TAF3: variants seen among roughly 807,000 people sequenced by gnomAD.
TAF3 encodes the protein TATA-box binding protein associated factor 3, also known as transcription initiation factor TFIID subunit 3.
Under a neutral mutation model 80.6 loss-of-function variants are expected in TAF3, and 7 were observed. That is an observed-to-expected ratio of 0.09 (90% CI 0.05 to 0.16). The LOEUF is 0.16. TAF3 is among the 10% of genes least tolerant of loss of function. The pLI, the probability that TAF3 is intolerant of heterozygous loss-of-function variation, is 1.00. For synonymous variants in TAF3, 444 were observed against 446.1 expected (o/e 1.00, Z 0.06); for missense variants, 921 against 1,140.2 (o/e 0.81, Z 2.77).
rs746356322 is a variant in TAF3, at chr10:7,964,885, A to G, written c.1375A>G (p.Ser459Gly). The G allele has an allele frequency of 6.2e-7, 1 of 1,614,210 alleles. No individual in the cohort carries two copies. Among genetic ancestry groups the G allele is most frequent in the Non-Finnish European group, 8.5e-7 (1 of 1,180,042 alleles). Residue 459 changes from serine to glycine, a missense_variant, in exon 3 of 7, where the codon AGT becomes GGT. Ser to Gly is a moderately conservative substitution (Grantham distance 56). Coordinates refer to ENST00000344293, the MANE Select transcript of TAF3 (RefSeq NM_031923.4). The surrounding 1 kb of genome is among the most constrained non-coding windows in gnomAD (Gnocchi z 4.1). The part of the protein sequence containing the change: ...TPLPLSGGTS[S>G]SDNSWTMDAS... ...TCTGCCTCTTTCCGGTGGAACCTCAAGTTCCGATAACTCATGGACAATGGA... is the reference window on the plus strand; with the variant it reads ...TCTGCCTCTTTCCGGTGGAACCTCAGGTTCCGATAACTCATGGACAATGGA...
intron 4 of TAF3, among the ~76,000 whole-genome samples, chr10:8,004,825 C>T (rs537865267): frequency 3.3e-5 from 5 of 152,246 alleles, no homozygotes; most frequent in East Asian, 1.9e-4. Flanking sequence ...TGGTATCTTT[C>T]GTCAGTTCTG....
chr10:7,920,629 C>T (rs1287843237), intron 2 of TAF3, among the ~76,000 whole-genome samples: 1 of 152,092 alleles, frequency 6.6e-6, no homozygotes, highest in Non-Finnish European at 1.5e-5. Context: ...CGATATAAAT[C>T]CCTTATCTTT....
chr10:7,912,015 G>A (rs1465980510), intron 2 of TAF3, among the ~76,000 whole-genome samples: 1 of 152,106 alleles, frequency 6.6e-6, no homozygotes, highest in Non-Finnish European at 1.5e-5. Context: ...CCAGAATTCT[G>A]AAATCATAAT....
chr10:7,898,999 TCAG>T (rs1837533129), intron 2 of TAF3, among the ~76,000 whole-genome samples: 1 of 152,158 alleles, frequency 6.6e-6, no homozygotes, highest in Non-Finnish European at 1.5e-5. Context: ...ACCATTAATG[TCAG>T]TTCCCATAGG....
intron 2 of TAF3, among the ~76,000 whole-genome samples, chr10:7,862,893 T>C (rs1003412681): frequency 1.3e-5 from 2 of 152,254 alleles, no homozygotes; most frequent in African/African-American, 2.4e-5. Flanking sequence ...TTGTTGAGTA[T>C]TGTTCCATTA....
chr10:7,968,128 G>A (rs1288426779), intron 3 of TAF3, among the ~76,000 whole-genome samples: 1 of 152,128 alleles, frequency 6.6e-6, no homozygotes, highest in Non-Finnish European at 1.5e-5. Flanking sequence ...GGCACCAAAG[G>A]TTAAACTAAA....
In TAF3 at chr10:7,832,222, T is replaced by TA. The variant is rs71385674; in HGVS notation, c.409+7664dup. On this transcript the variant is annotated intron_variant, in intron 2 of 6. Transcript: ENST00000344293. ...CCCACATCCCCTGCCCCAGCCTCTG[T>TA]AACCACTGTTCTACTCTCTGCTTCT... is the stretch of plus-strand genomic sequence containing the variant. Among the ~76,000 whole-genome samples, 845 of 152,290 alleles carry TA rather than the reference T, an allele frequency of 5.5e-3. 8 individuals are homozygous for TA. The highest frequency in any genetic ancestry group is 0.024 in the South Asian group (114 of 4,826).
chr10:7,859,539 G>A (rs747909797), intron 2 of TAF3, among the ~76,000 whole-genome samples: 6 of 152,078 alleles, frequency 3.9e-5, no homozygotes, highest in African/African-American at 7.2e-5. Flanking sequence ...GGCACTGGCC[G>A]GGTTTCACCT....
At chr10:8,002,462 C>T (rs1172287122) in intron 4 of TAF3, among the ~76,000 whole-genome samples, 2 of 152,138 alleles carry the variant, frequency 1.3e-5, no homozygotes, top group East Asian at 3.8e-4. Context: ...TGAATTCTAA[C>T]ACATTTTATT....
chr10:7,845,546 G>A (rs72782712), intron 2 of TAF3, among the ~76,000 whole-genome samples: 368 of 152,350 alleles, frequency 2.4e-3, no homozygotes, highest in Non-Finnish European at 3.7e-3. Context: ...GCGAGAATGT[G>A]TTTGAGATAG....
intron 2 of TAF3, chr10:7,833,787 G>A: frequency 9.0e-6 from 3 of 334,288 alleles, no homozygotes; most frequent in Non-Finnish European, 1.7e-5. Context: ...GGGCATGACT[G>A]GTCCTGTCAG....
At chr10:7,884,392 C>CCTCCTTTTTTTTTTTT (rs199655446) in intron 2 of TAF3, among the ~76,000 whole-genome samples, 1 of 120,500 alleles carries the variant, frequency 8.3e-6, no homozygotes, top group African/African-American at 2.9e-5. Context: ...GCTCTGCCTC[C>CCTCCTTTTTTTTTTTT]TTTTTTTTTT....
chr10:7,979,150 C>T (rs530416515), intron 4 of TAF3, among the ~76,000 whole-genome samples: 1 of 152,136 alleles, frequency 6.6e-6, no homozygotes, highest in African/African-American at 2.4e-5. Flanking sequence ...CGAGACCATC[C>T]TGTCTAACAC....
intron 2 of TAF3, among the ~76,000 whole-genome samples, chr10:7,960,342 G>A (rs1169772774): frequency 6.6e-6 from 1 of 152,210 alleles, no homozygotes; most frequent in East Asian, 1.9e-4. Context: ...TGAGCTGAAT[G>A]TGGTAGGTCT....
rs551778050 is a variant in TAF3 at position 7,827,770 on chromosome 10, A to G, written c.409+3210A>G. Among the ~76,000 whole-genome samples the G allele has an allele frequency of 2.4e-4, 35 of 144,530 alleles. No individual in the cohort carries two copies. The South Asian group carries it at 7.7e-3, about 32-fold the overall frequency. 94.8% of individuals were successfully genotyped at this position (144,530 alleles called of 152,430 possible). On this transcript the variant is annotated intron_variant, in intron 2 of 6. Transcript: ENST00000344293. ...ACTCCAGCCTGGGTGACGGAGCGAG[A>G]CTCTGTCTCAAAAAAAAAAAAAAAA...
intron 3 of TAF3, among the ~76,000 whole-genome samples, chr10:7,968,199 A>G (rs533708053): frequency 6.6e-6 from 1 of 152,332 alleles, no homozygotes; most frequent in South Asian, 2.1e-4. Context: ...AGGTTAAACT[A>G]AAGTGAGACA....
intron 2 of TAF3, among the ~76,000 whole-genome samples, chr10:7,899,038 TC>T (rs1398252930): frequency 6.6e-6 from 1 of 152,124 alleles, no homozygotes; most frequent in Non-Finnish European, 1.5e-5. Flanking sequence ...TAGGTGAGAT[TC>T]CCCCAATCTA....
At chr10:7,848,148 A>G (rs183871865) in intron 2 of TAF3, among the ~76,000 whole-genome samples, 1 of 152,382 alleles carries the variant, frequency 6.6e-6, no homozygotes, top group Non-Finnish European at 1.5e-5. Flanking sequence ...TTAACAATAT[A>G]AAGGTTCCAT....
chr10:7,874,141 G>A (rs1837293708), intron 2 of TAF3, among the ~76,000 whole-genome samples: 3 of 152,068 alleles, frequency 2.0e-5, no homozygotes, highest in Admixed American at 1.3e-4. Context: ...ACCTCTTATT[G>A]TTTTATCTAT....
Sources: allele counts gnomAD v4.1 joint callset (sites outside exome capture counted in the v4.1 genomes callset), GRCh38; gene constraint gnomAD v4.1.1; non-coding constraint Gnocchi (gnomAD v3.1); transcripts MANE v1.5; gene names NCBI Gene and HGNC (gene_info 2026-07-23, HGNC 2026-07-21).